Variants in NDST4 observed in about 807,000 individuals in gnomAD.
NDST4 encodes N-deacetylase and N-sulfotransferase 4.
Under a neutral mutation model 100.8 loss-of-function variants are expected in NDST4, and 63 were observed. That is an observed-to-expected ratio of 0.62 (90% CI 0.51 to 0.77). The LOEUF is 0.77. Among genes scored for constraint, NDST4 ranks in the 30% least tolerant of loss-of-function variants. The pLI is 0.00. For missense variants in NDST4, 943 were observed against 1,018.4 expected (o/e 0.93, Z 1.01); for synonymous variants, 377 against 361.8 (o/e 1.04, Z -0.48).
At chr4:114,833,495 C>T in intron 12 of NDST4, 111 bp downstream of exon 12, 1 of 694,224 alleles carries the variant, frequency 1.4e-6, no homozygotes, top group Non-Finnish European at 2.6e-6. Flanking sequence ...TTGTAGGTAG[C>T]ATAGGATGTA....
At chr4:114,990,176 G>A (rs1727006789) in intron 2 of NDST4, among the ~76,000 whole-genome samples, 1 of 152,042 alleles carries the variant, frequency 6.6e-6, no homozygotes, top group Admixed American at 6.6e-5. Flanking sequence ...AAGCATAGTA[G>A]ATACAGGTTC....
chr4:115,008,789 T>C lies in NDST4; in HGVS notation c.979-31515A>G, dbSNP rs1185084925. Among the ~76,000 whole-genome samples the C allele has an allele frequency of 3.1e-4, 40 of 127,744 alleles. 11 individuals are homozygous for C. Among genetic ancestry groups the C allele is most frequent in the African/African-American group, 1.1e-3 (38 of 33,514 alleles). The allele number at this position is 127,744 out of a possible 152,430, so 83.8% of individuals were successfully genotyped here. On this transcript the variant is annotated intron_variant, in intron 2 of 13. Transcript: ENST00000264363. ...TGATTGTATATCTAGAAAACCCCAT[T>C]GTCTCAGCCCAAAATCTCCTTAAGC...
intron 2 of NDST4, among the ~76,000 whole-genome samples, chr4:115,021,393 C>A (rs111205514): frequency 0.017 from 2,469 of 149,498 alleles, 77 homozygotes; most frequent in African/African-American, 0.06. Flanking sequence ...CATATATATA[C>A]ATTCCATATA....
chr4:115,015,096 G>T (rs1727646286), intron 2 of NDST4, among the ~76,000 whole-genome samples: 1 of 152,094 alleles, frequency 6.6e-6, no homozygotes, highest in Non-Finnish European at 1.5e-5. Context: ...GGTCAAGCTG[G>T]TCCTAAAGGC....
intron 2 of NDST4, among the ~76,000 whole-genome samples, chr4:115,056,785 G>T (rs895632224): frequency 6.6e-6 from 1 of 152,058 alleles, no homozygotes; most frequent in South Asian, 2.1e-4. Context: ...CATTAATATG[G>T]TTTCCTTATT....
chr4:114,954,935 A>C (rs1726105822), intron 4 of NDST4, among the ~76,000 whole-genome samples: 1 of 152,102 alleles, frequency 6.6e-6, no homozygotes, highest in Non-Finnish European at 1.5e-5. Context: ...ATGTGAAGAC[A>C]TCTCACTACC....
chr4:114,923,886 A>C (rs899008548), intron 6 of NDST4, among the ~76,000 whole-genome samples: 1 of 151,338 alleles, frequency 6.6e-6, no homozygotes, highest in South Asian at 2.1e-4. Flanking sequence ...GATGGAAAAG[A>C]CTCCTCTAAT....
chr4:114,932,866 C>T (rs188343235), intron 6 of NDST4, among the ~76,000 whole-genome samples: 143 of 151,964 alleles, frequency 9.4e-4, no homozygotes, highest in Admixed American at 1.6e-3. Flanking sequence ...ATGGATTGAG[C>T]GAATTAATAG....
chr4:115,081,302 C>T (rs1297965092), intron 1 of NDST4, among the ~76,000 whole-genome samples: 1 of 152,060 alleles, frequency 6.6e-6, no homozygotes, highest in East Asian at 1.9e-4. Flanking sequence ...GTTCTCCTTC[C>T]CTAGCAAAAC....
intron 2 of NDST4, among the ~76,000 whole-genome samples, chr4:115,006,763 C>A (rs1412104557): frequency 1.3e-5 from 2 of 152,062 alleles, no homozygotes; most frequent in Admixed American, 6.6e-5. Context: ...GAAGTTGAAA[C>A]CATGGGTTTG....
intron 2 of NDST4, among the ~76,000 whole-genome samples, chr4:114,990,537 C>T (rs910529254): frequency 1.3e-5 from 2 of 151,938 alleles, no homozygotes; most frequent in African/African-American, 4.8e-5. Context: ...TTATCTTGGG[C>T]CAGCAGTGAG....
intron 4 of NDST4, among the ~76,000 whole-genome samples, chr4:114,938,631 A>T (rs538372703): frequency 1.1e-3 from 165 of 152,352 alleles, no homozygotes; most frequent in African/African-American, 3.8e-3. Flanking sequence ...TATATTTTCC[A>T]TTATATGGTA....
chr4:114,937,104 T>C (rs149538547), intron 5 of NDST4, among the ~76,000 whole-genome samples: 8 of 152,310 alleles, frequency 5.3e-5, no homozygotes, highest in Non-Finnish European at 8.8e-5. Flanking sequence ...TTTCAGCTTG[T>C]TTTAGATTTG....
At chr4:114,857,684 G>A (rs955704893) in intron 7 of NDST4, among the ~76,000 whole-genome samples, 6 of 152,198 alleles carry the variant, frequency 3.9e-5, no homozygotes, top group Non-Finnish European at 7.3e-5. Context: ...AGTTGTCAGA[G>A]TTGTGGGCAG....
intron 2 of NDST4, among the ~76,000 whole-genome samples, chr4:115,061,503 C>T (rs1020753722): frequency 6.6e-6 from 1 of 152,008 alleles, no homozygotes; most frequent in Non-Finnish European, 1.5e-5. Context: ...AACCATCATT[C>T]TCAGCAAACT....
chr4:115,020,372 G>A (rs1420243024), intron 2 of NDST4, among the ~76,000 whole-genome samples: 1 of 152,072 alleles, frequency 6.6e-6, no homozygotes. Context: ...CTTCATAAAA[G>A]GCAGAATTTA....
intron 2 of NDST4, among the ~76,000 whole-genome samples, chr4:115,020,063 G>A (rs936380250): frequency 1.3e-5 from 2 of 152,066 alleles, no homozygotes; most frequent in Non-Finnish European, 2.9e-5. Context: ...ATTGGGTAAC[G>A]GATACAGGTT....
intron 2 of NDST4, among the ~76,000 whole-genome samples, chr4:114,986,832 A>ATATATATATATATATATATTTTTTTT: frequency 2.1e-4 from 20 of 94,648 alleles, no homozygotes; most frequent in Non-Finnish European, 3.9e-4. Context: ...ATATATATAT[A>ATATATATATATATATATATTTTTTTT]TTTTAATATA....
At chr4:114,883,829 G>T (rs924662043) in intron 6 of NDST4, among the ~76,000 whole-genome samples, 4 of 152,020 alleles carry the variant, frequency 2.6e-5, no homozygotes, top group African/African-American at 9.7e-5. Flanking sequence ...CTCGTAAGGA[G>T]CCTGCAACCT....
Sources: gnomAD v4.1 joint callset for allele counts (sites outside exome capture counted in the v4.1 genomes callset) on GRCh38, gnomAD v4.1.1 for gene constraint, MANE v1.5 for transcripts, NCBI Gene and HGNC (gene_info 2026-07-23, HGNC 2026-07-21) for gene names.